KCNJ6: variants seen among roughly 807,000 people sequenced by gnomAD.
The protein encoded by KCNJ6 is G protein-activated inward rectifier potassium channel 2.
In KCNJ6, 9 loss-of-function variants were observed where a neutral mutation model predicts 34.2. The ratio of observed to expected loss-of-function variants is 0.26; its 90% confidence interval spans 0.16 to 0.46. The LOEUF is 0.46. Ranked by LOEUF, KCNJ6 falls within the 20% of genes least tolerant of loss-of-function variation. KCNJ6 has a pLI of 1.00. For missense variants in KCNJ6, 236 were observed against 531.3 expected (o/e 0.44, Z 5.46); for synonymous variants, 196 against 207.1 (o/e 0.95, Z 0.46).
chr21:37,818,211 C>CGTGTGTGTGTGT (rs10539396), intron 2 of KCNJ6, among the ~76,000 whole-genome samples: 18 of 148,330 alleles, frequency 1.2e-4, no homozygotes, highest in African/African-American at 2.2e-4. Flanking sequence ...TGTGTGCGTG[C>CGTGTGTGTGTGT]GTGTGTGTGT....
At chr21:37,712,916 T>C (rs922088565) in intron 3 of KCNJ6, among the ~76,000 whole-genome samples, 1 of 151,906 alleles carries the variant, frequency 6.6e-6, no homozygotes, top group Non-Finnish European at 1.5e-5. Context: ...ACAGTGACTT[T>C]TGTTATTCTT....
chr21:37,719,805 C>A (rs1398839998), intron 2 of KCNJ6, among the ~76,000 whole-genome samples: 1 of 152,168 alleles, frequency 6.6e-6, no homozygotes, highest in Non-Finnish European at 1.5e-5. Context: ...CTGGGCGGAG[C>A]CTTGTCCTCG....
At chr21:37,669,525 G>GT (rs2054532232) in intron 3 of KCNJ6, among the ~76,000 whole-genome samples, 1 of 151,964 alleles carries the variant, frequency 6.6e-6, no homozygotes, top group African/African-American at 2.4e-5. Context: ...TCAGTTCTTT[G>GT]TATCTTTAGG....
chr21:37,685,718 T>C (rs1449828678), intron 3 of KCNJ6, among the ~76,000 whole-genome samples: 1 of 130,050 alleles, frequency 7.7e-6, no homozygotes, highest in Non-Finnish European at 1.6e-5. Context: ...ATCTATCCTA[T>C]GGATATCAGA....
chr21:37,846,782 T>A (rs906613367), intron 1 of KCNJ6, among the ~76,000 whole-genome samples: 2 of 152,134 alleles, frequency 1.3e-5, no homozygotes, highest in Admixed American at 6.5e-5. Flanking sequence ...GAACTTAGTA[T>A]CCTCAACAGG....
At chr21:37,741,422 G>A (rs1212521932) in intron 2 of KCNJ6, among the ~76,000 whole-genome samples, 2 of 152,166 alleles carry the variant, frequency 1.3e-5, no homozygotes, top group Admixed American at 6.5e-5. Flanking sequence ...TATTAAGATG[G>A]GTTGAGTTGA....
intron 1 of KCNJ6, among the ~76,000 whole-genome samples, chr21:37,859,487 TTATATATATA>T (rs55859652): frequency 0.012 from 1,051 of 84,256 alleles, 50 homozygotes; most frequent in African/African-American, 0.046. Flanking sequence ...TTATATTACT[TTATATATATA>T]TATATATATA....
chr21:37,818,231 T>C (rs1441698582), intron 2 of KCNJ6, among the ~76,000 whole-genome samples: 1 of 151,824 alleles, frequency 6.6e-6, no homozygotes, highest in African/African-American at 2.4e-5. Context: ...TGTGTGTGTG[T>C]GTGTGTGTGT....
In KCNJ6 at chr21:37,913,558, G is replaced by A. The variant is rs2055877258; in HGVS notation, c.-28+2326C>T. On this transcript the variant is annotated intron_variant, in intron 1 of 3. Coordinates refer to ENST00000609713, the MANE Select transcript of KCNJ6 (RefSeq NM_002240.5). ...GGCTGGGCCGGATACGGTGGCTCAC[G>A]CCTGTAATCCCAGCACTCTGGGAGG... Among the ~76,000 whole-genome samples, 2 of 152,306 alleles carry A rather than the reference G, an allele frequency of 1.3e-5. 1 individual carries two copies. Among genetic ancestry groups the A allele is most frequent in the South Asian group, 4.1e-4 (2 of 4,826 alleles).
chr21:37,765,147 T>C (rs972956522), intron 2 of KCNJ6, among the ~76,000 whole-genome samples: 55 of 152,248 alleles, frequency 3.6e-4, no homozygotes, highest in Admixed American at 2.0e-4. Context: ...TGTCATATTT[T>C]ACTGTGTCAA....
chr21:37,743,001 C>T (rs1297452695), intron 2 of KCNJ6, among the ~76,000 whole-genome samples: 4 of 152,166 alleles, frequency 2.6e-5, no homozygotes, highest in East Asian at 1.9e-4. Flanking sequence ...CATAGACTAG[C>T]GAAATCCTCA....
In KCNJ6 at chr21:37,614,908, C is replaced by T. The variant is rs1267613829; in HGVS notation, c.*10251G>A. 1 of 152,100 alleles carries T rather than the reference C, an allele frequency of 6.6e-6. No individual in the cohort carries two copies. Among genetic ancestry groups the T allele is most frequent in the Admixed American group, 6.6e-5 (1 of 15,262 alleles). 9.4% of individuals were successfully genotyped at this position (152,100 alleles called of 1,614,324 possible). On this transcript the variant is annotated 3_prime_UTR_variant, in exon 4 of 4. Transcript: ENST00000609713. ...GGGACATTATTGTTGCATAGTGTAA[C>T]ATTCAGAGGAATCCTCATTCTTTTA...
chr21:37,744,929 G>A (rs1352336517), intron 2 of KCNJ6, among the ~76,000 whole-genome samples: 1 of 152,208 alleles, frequency 6.6e-6, no homozygotes, highest in Non-Finnish European at 1.5e-5. Context: ...ACATGTCAAG[G>A]AGAAATTATA....
At chr21:37,754,726 G>A (rs2055015148) in intron 2 of KCNJ6, among the ~76,000 whole-genome samples, 1 of 152,180 alleles carries the variant, frequency 6.6e-6, no homozygotes, top group African/African-American at 2.4e-5. Flanking sequence ...TGGGTGAGGT[G>A]TCCTGGCTGG....
chr21:37,905,991 C>A (rs1276766641), intron 1 of KCNJ6, among the ~76,000 whole-genome samples: 1 of 152,192 alleles, frequency 6.6e-6, no homozygotes, highest in Non-Finnish European at 1.5e-5. Context: ...GCCCTCTATT[C>A]AATTTTCTTA....
At chr21:37,765,170 T>A (rs779085458) in intron 2 of KCNJ6, among the ~76,000 whole-genome samples, 17 of 152,262 alleles carry the variant, frequency 1.1e-4, no homozygotes, top group Non-Finnish European at 4.4e-5. Flanking sequence ...TTCTTGGGGT[T>A]GTTTCCGTCT....
chr21:37,746,274 G>A (rs2054967307), intron 2 of KCNJ6, among the ~76,000 whole-genome samples: 1 of 152,206 alleles, frequency 6.6e-6, no homozygotes, highest in Non-Finnish European at 1.5e-5. Flanking sequence ...GCGGGTTAAG[G>A]AAAGCAGGAG....
rs59026391 is a variant in KCNJ6 at position 37,661,614 on chromosome 21, GTTTTT to G, written c.947-36135_947-36131del. ...TCCACCCATTTCCTTAAGAGACATA[GTTTTT>G]TTTTTTTTTTTTTTTTTTTTTGAGA... On this transcript the variant is annotated intron_variant, in intron 3 of 3. Transcript: ENST00000609713. 2.9e-3 allele frequency among the ~76,000 whole-genome samples: 209 copies of G among 71,154 alleles called. 2 individuals are homozygous for G. The highest frequency in any genetic ancestry group is 4.7e-3 in the South Asian group (7 of 1,480). The allele number at this position is 71,154 out of a possible 152,430, so 46.7% of individuals were successfully genotyped here.
chr21:37,651,773 C>G (rs1284477068), intron 3 of KCNJ6, among the ~76,000 whole-genome samples: 3 of 152,114 alleles, frequency 2.0e-5, no homozygotes, highest in Non-Finnish European at 4.4e-5. Context: ...AAGTGATGCC[C>G]AGGCTCTAAG....
Sources: gnomAD v4.1 joint callset for allele counts (sites outside exome capture counted in the v4.1 genomes callset) on GRCh38, gnomAD v4.1.1 for gene constraint, MANE v1.5 for transcripts, NCBI Gene and HGNC (gene_info 2026-07-23, HGNC 2026-07-21) for gene names.